CRIPTO: variants seen among roughly 807,000 people sequenced by gnomAD.
CRIPTO encodes the protein cripto, EGF-CFC family member.
chr3:46,581,135 G>A, the CRIPTO span: 5 of 1,613,226 alleles, frequency 3.1e-6, no homozygotes, highest in Non-Finnish European at 4.2e-6. Context: ...CTTCCAGATG[G>A]CCTTGTGATG....
the CRIPTO span, chr3:46,579,628 CAG>C: frequency 5.4e-5 from 71 of 1,313,192 alleles, no homozygotes; most frequent in East Asian, 9.2e-5. Flanking sequence ...CTCAAAGGCA[CAG>C]AGACTTACTC....
At chr3:46,582,212 T>C in the CRIPTO span, 1 of 152,164 alleles carries the variant, frequency 6.6e-6, no homozygotes, top group African/African-American at 2.4e-5. Context: ...CCCCTTTTTT[T>C]CCCAAAGGCA....
At chr3:46,581,259 G>A in the CRIPTO span, 4 of 1,594,708 alleles carry the variant, frequency 2.5e-6, no homozygotes, top group Admixed American at 6.7e-5. Flanking sequence ...AATCGACATT[G>A]ACCTATTTCC....
chr3:46,581,115 G>T, the CRIPTO span: 1 of 1,597,796 alleles, frequency 6.3e-7, no homozygotes, highest in Admixed American at 1.7e-5. Flanking sequence ...TAATGACCAA[G>T]CATCCCTACC....
At chr3:46,576,387 A>G in the CRIPTO span, among the ~76,000 whole-genome samples, 1 of 146,156 alleles carries the variant, frequency 6.8e-6, no homozygotes, top group East Asian at 2.2e-4. Flanking sequence ...AGAATGAGGC[A>G]GGAGAATCAC....
chr3:46,579,927 A>G, the CRIPTO span: 2 of 1,614,158 alleles, frequency 1.2e-6, no homozygotes, highest in East Asian at 4.5e-5. Context: ...ACCCAAGGCT[A>G]TCGCCTTACC....
At chr3:46,579,158 T>G in the CRIPTO span, 1 of 1,614,178 alleles carries the variant, frequency 6.2e-7, no homozygotes, top group East Asian at 2.2e-5. Context: ...GTGAGAGACC[T>G]TTTGTTCTTT....
At chr3:46,579,261 T>A in the CRIPTO span, 3 of 1,614,136 alleles carry the variant, frequency 1.9e-6, no homozygotes, top group African/African-American at 2.7e-5. Context: ...TGCTCGTCCA[T>A]CTCGGGGATA....
At chr3:46,577,522 A>T in the CRIPTO span, 98 of 182,938 alleles carry the variant, frequency 5.4e-4, no homozygotes, top group East Asian at 0.013. Flanking sequence ...GATTAGAGAA[A>T]CTGATTTTTC....
chr3:46,580,060 G>C, the CRIPTO span: 1 of 1,614,248 alleles, frequency 6.2e-7, no homozygotes. Context: ...ACCCGGCTGT[G>C]GTAAGCGGAG....
the CRIPTO span, among the ~76,000 whole-genome samples, chr3:46,580,395 G>T: frequency 1.3e-5 from 2 of 152,032 alleles, no homozygotes; most frequent in Non-Finnish European, 2.9e-5. Flanking sequence ...CCTTTCCTTT[G>T]GGTAGGGGGA....
At chr3:46,576,205 C>A in the CRIPTO span, among the ~76,000 whole-genome samples, 27 of 152,284 alleles carry the variant, frequency 1.8e-4, no homozygotes, top group Middle Eastern at 3.4e-3. Flanking sequence ...CGCGGTAGCT[C>A]ATGCCTGTAA....
chr3:46,576,905 G>A, the CRIPTO span, among the ~76,000 whole-genome samples: 1 of 152,092 alleles, frequency 6.6e-6, no homozygotes, highest in Non-Finnish European at 1.5e-5. Flanking sequence ...CCTGCAAGCG[G>A]CACATCAGAG....
the CRIPTO span, chr3:46,581,571 G>A: frequency 7.4e-5 from 43 of 580,254 alleles, no homozygotes; most frequent in Non-Finnish European, 1.1e-4. Context: ...CTGCAATGAC[G>A]CGATCTTGGT....
the CRIPTO span, chr3:46,579,923 GGCTATC>G: frequency 1.3e-5 from 21 of 1,614,070 alleles, no homozygotes; most frequent in Admixed American, 3.3e-4. Flanking sequence ...TCAGACCCAA[GGCTATC>G]GCCTTACCTG....
the CRIPTO span, among the ~76,000 whole-genome samples, chr3:46,578,876 G>A: frequency 6.6e-6 from 1 of 152,074 alleles, no homozygotes; most frequent in South Asian, 2.1e-4. Flanking sequence ...CAGGGCCTAA[G>A]AAATAATAAT....
the CRIPTO span, chr3:46,574,694 G>C: frequency 6.6e-6 from 1 of 152,174 alleles, no homozygotes; most frequent in East Asian, 1.9e-4. Context: ...TTAGTTCTAC[G>C]TGTTCTCAAC....
At chr3:46,577,736 A>T in the CRIPTO span, 1 of 573,986 alleles carries the variant, frequency 1.7e-6, no homozygotes, top group African/African-American at 1.9e-5. Flanking sequence ...GAATCCCCGG[A>T]AAGGCTGAGT....
chr3:46,576,301 C>G, the CRIPTO span, among the ~76,000 whole-genome samples: 1 of 151,864 alleles, frequency 6.6e-6, no homozygotes, highest in African/African-American at 2.4e-5. Context: ...AACCCTGTCT[C>G]TACTGAAAAT....
Sources: allele counts gnomAD v4.1 joint callset (sites outside exome capture counted in the v4.1 genomes callset), GRCh38; gene constraint gnomAD v4.1.1; transcripts MANE v1.5; gene names NCBI Gene and HGNC (gene_info 2026-07-23, HGNC 2026-07-21).